The following TJP1 variants were observed in gnomAD, a reference collection of about 807,000 sequenced individuals.
The protein encoded by TJP1 is tight junction protein ZO-1.
Under a neutral mutation model 194.2 loss-of-function variants are expected in TJP1, and 43 were observed. That is an observed-to-expected ratio of 0.22 (90% CI 0.17 to 0.29). The LOEUF is 0.29. TJP1 is among the 10% of genes least tolerant of loss of function. TJP1 has a pLI of 1.00. For missense variants in TJP1, 1,971 were observed against 2,185.7 expected (o/e 0.90, Z 1.96); for synonymous variants, 801 against 779.0 (o/e 1.03, Z -0.47).
At chr15:29,826,202 A>T (rs8027827), upstream of TJP1, among the ~76,000 whole-genome samples, 1 of 151,648 alleles carries the variant, frequency 6.6e-6, no homozygotes, top group Non-Finnish European at 1.5e-5. Context: ...AATTCAATTC[A>T]GTATACAGAA....
In TJP1 at chr15:29,720,462, C is replaced by T; in HGVS notation, c.2659G>A (p.Gly887Arg). The change falls in exon 19 of 28, where the codon GGA becomes AGA. Residue 887 changes from glycine to arginine, a missense_variant. Physicochemically the swap from Gly to Arg is moderately radical, Grantham distance 125. This residue lies in a region of TJP1 where 1,108 missense variants were observed against 1,128.5 expected (regional missense o/e 0.98). Coordinates refer to ENST00000614355, the MANE Select transcript of TJP1 (RefSeq NM_001330239.4). ...SSEPVREDSS[G>R]MHHENQTYPP... ...TATGTTTGGTTTTCATGATGCATTCCAGAGGAGTCCTCTCTTACAGGCTCA... is the reference window on the plus strand; with the variant it reads ...TATGTTTGGTTTTCATGATGCATTCTAGAGGAGTCCTCTCTTACAGGCTCA... 6.2e-7 allele frequency: 1 copy of T among 1,614,130 alleles called. No homozygotes were observed. The highest frequency in any genetic ancestry group is 8.5e-7 in the Non-Finnish European group (1 of 1,180,024).
intron 8 of TJP1, 136 bp from the exon 9 acceptor site, chr15:29,742,917 A>G: frequency 1.5e-6 from 1 of 668,178 alleles, no homozygotes; most frequent in Non-Finnish European, 2.2e-6. Context: ...AAATATTGTA[A>G]AAACCTAGTA....
rs953577274 is a variant in TJP1 at position 29,822,226 on chromosome 15, G to T, written c.-198C>A. On this transcript the variant is annotated 5_prime_UTR_variant, in exon 1 of 28. Transcript: ENST00000614355. The stretch of plus-strand genomic sequence containing the variant: ...GTCCGGGAAGCGCCCGCCCCGCCCG[G>T]GTCTTCTCCACGGGGCGCGCCCGAC... 2.7e-5 allele frequency: 32 copies of T among 1,178,212 alleles called. No individual in the cohort carries two copies. The highest frequency in any genetic ancestry group is 3.3e-5 in the Non-Finnish European group (31 of 953,278). 73.0% of individuals were successfully genotyped at this position (1,178,212 alleles called of 1,614,324 possible).
chr15:29,869,247 G>A (rs2052410140), intron 2 of TJP1, among the ~76,000 whole-genome samples: 1 of 152,164 alleles, frequency 6.6e-6, no homozygotes, highest in Non-Finnish European at 1.5e-5. Context: ...CTCTTTCTAT[G>A]CAGGACACAA....
chr15:29,730,662 C>A (rs1327767639), intron 15 of TJP1: 6 of 716,512 alleles, frequency 8.4e-6, no homozygotes, highest in South Asian at 1.4e-5. Context: ...CCAAAGCCCG[C>A]GTGCCGCTGC....
chr15:29,956,444 A>G (rs2152314260), intron 1 of TJP1: 1 of 1,189,084 alleles, frequency 8.4e-7, no homozygotes, highest in East Asian at 5.8e-5. Context: ...GCATTTACTC[A>G]AAGGCAGCTT....
At chr15:29,915,878 T>G (rs1172204829) in intron 2 of TJP1, among the ~76,000 whole-genome samples, 1 of 152,246 alleles carries the variant, frequency 6.6e-6, no homozygotes, top group Non-Finnish European at 1.5e-5. Flanking sequence ...GAAATTAAAT[T>G]TGATAAGAAA....
At chr15:29,833,881 A>ATATATATATATATTTTTTTTTTT in intron 2 of TJP1, among the ~76,000 whole-genome samples, 3 of 12,616 alleles carry the variant, frequency 2.4e-4, no homozygotes, top group African/African-American at 3.0e-4. Context: ...ATATATATAT[A>ATATATATATATATTTTTTTTTTT]TTTTTTTTTT....
At chr15:29,719,331 G>A (rs45502293) in intron 20 of TJP1, among the ~76,000 whole-genome samples, 193 bp from the exon 21 acceptor site, 1 of 152,004 alleles carries the variant, frequency 6.6e-6, no homozygotes, top group Non-Finnish European at 1.5e-5. Context: ...TGCAGGTAGG[G>A]GCTTTTATGT....
At chr15:29,846,164 A>T (rs2051400625) in intron 2 of TJP1, among the ~76,000 whole-genome samples, 1 of 152,118 alleles carries the variant, frequency 6.6e-6, no homozygotes, top group Admixed American at 6.5e-5. Flanking sequence ...GAGACCCATC[A>T]CCATAACCTC....
intron 18 of TJP1, among the ~76,000 whole-genome samples, chr15:29,724,412 A>G (rs1419065395): frequency 1.3e-5 from 2 of 152,244 alleles, no homozygotes; most frequent in African/African-American, 2.4e-5. Context: ...AGGGTTCTGA[A>G]TACTATAATC....
rs544287575 is a variant in TJP1 at position 29,780,007 on chromosome 15, C to A, written c.85-6650G>T. Among the ~76,000 whole-genome samples the A allele has an allele frequency of 1.3e-4, 19 of 149,732 alleles. No homozygotes were observed. The East Asian group carries it at 1.6e-3, about 12-fold the overall frequency. On this transcript the variant is annotated intron_variant, in intron 2 of 27. Transcript: ENST00000614355. Reference sequence around the variant, plus strand: ...ACCTCCCGAAGGAAAAAAAAAAAAACCACCACAAATTACAGGCAAAAATGA... The same window carrying A: ...ACCTCCCGAAGGAAAAAAAAAAAAAACACCACAAATTACAGGCAAAAATGA...
intron 2 of TJP1, among the ~76,000 whole-genome samples, chr15:29,833,881 A>ATATATATTTTTTTTT (rs1555434000): frequency 7.9e-5 from 1 of 12,616 alleles, no homozygotes; most frequent in Non-Finnish European, 1.4e-4. Flanking sequence ...ATATATATAT[A>ATATATATTTTTTTTT]TTTTTTTTTT....
rs1345764692 is a variant in TJP1 at position 29,700,789 on chromosome 15, T to C, written c.*806A>G. On this transcript the variant is annotated 3_prime_UTR_variant, in exon 28 of 28. Coordinates refer to ENST00000614355, the MANE Select transcript of TJP1 (RefSeq NM_001330239.4). Reference sequence around the variant, plus strand: ...CCCAAATCACACCACTATTTTCTTCTGGGTGATAACACATTTCTGAAACCA... The same window carrying C: ...CCCAAATCACACCACTATTTTCTTCCGGGTGATAACACATTTCTGAAACCA... 6 of 197,204 alleles carry C rather than the reference T, an allele frequency of 3.0e-5. No homozygotes were observed. Among genetic ancestry groups the C allele is most frequent in the East Asian group, 1.1e-4 (1 of 8,906 alleles). The allele number at this position is 197,204 out of a possible 1,614,324, so 12.2% of individuals were successfully genotyped here. A position where few individuals can be genotyped will look rare whatever the true frequency, so the allele number is the denominator to read the frequency against.
At chr15:29,883,719 G>A (rs1388382923) in intron 2 of TJP1, among the ~76,000 whole-genome samples, 1 of 151,884 alleles carries the variant, frequency 6.6e-6, no homozygotes, top group African/African-American at 2.4e-5. Flanking sequence ...TGAGGTTATG[G>A]CTTTCAGAAA....
chr15:29,950,865 G>A (rs1350094885), intron 2 of TJP1, among the ~76,000 whole-genome samples: 2 of 152,184 alleles, frequency 1.3e-5, no homozygotes, highest in African/African-American at 2.4e-5. Context: ...AGGAAGTCTC[G>A]AGGTTACATT....
intron 2 of TJP1, among the ~76,000 whole-genome samples, chr15:29,949,665 C>T (rs2055545931): frequency 8.5e-6 from 1 of 116,998 alleles, no homozygotes; most frequent in African/African-American, 3.0e-5. Flanking sequence ...TCCACCTCCA[C>T]AACCACCACC....
At chr15:29,718,191 T>C (rs1207540814) in intron 21 of TJP1, 73 bp from the exon 22 acceptor site, 16 of 1,587,816 alleles carry the variant, frequency 1.0e-5, no homozygotes, top group African/African-American at 1.4e-5. Flanking sequence ...AGATATCATG[T>C]AATGGCGGAG....
intron 2 of TJP1, among the ~76,000 whole-genome samples, chr15:29,872,528 C>G (rs1447939538): frequency 1.3e-5 from 2 of 152,180 alleles, no homozygotes; most frequent in African/African-American, 2.4e-5. Flanking sequence ...CACATAACCT[C>G]TTTGAGACTT....
Sources: gnomAD v4.1 joint callset for allele counts (sites outside exome capture counted in the v4.1 genomes callset) on GRCh38, gnomAD v4.1.1 for gene constraint, gnomAD v4.1.1 regional missense constraint, MANE v1.5 for transcripts, NCBI Gene and HGNC (gene_info 2026-07-23, HGNC 2026-07-21) for gene names.